Variants in WDR12 observed in about 807,000 individuals in gnomAD.
The protein encoded by WDR12 is ribosome biogenesis protein WDR12.
A neutral mutation model predicts 64.3 loss-of-function variants in WDR12; 42 were observed. That is an observed-to-expected ratio of 0.65 (90% CI 0.51 to 0.84). The LOEUF (loss-of-function observed/expected upper bound fraction) is 0.84, where lower values mean the gene tolerates loss of function less well. WDR12 is among the 40% of genes least tolerant of loss of function. The pLI, the probability that WDR12 is intolerant of heterozygous loss-of-function variation, is 0.00. For synonymous variants in WDR12, 158 were observed against 173.3 expected, an observed-to-expected ratio of 0.91 and a Z score of 0.70; for missense variants, 469 against 494.6, an observed-to-expected ratio of 0.95 and a Z score of 0.49.
chr2:202,904,138 C>CAAAAAAAAA (rs34378996), intron 2 of WDR12, among the ~76,000 whole-genome samples: 7 of 38,532 alleles, frequency 1.8e-4, no homozygotes, highest in African/African-American at 5.8e-4. Context: ...AACTCTGTCT[C>CAAAAAAAAA]AAAAAAAAAA....
intron 8 of WDR12, among the ~76,000 whole-genome samples, chr2:202,887,854 G>C (rs1574403658): frequency 2.1e-5 from 3 of 146,034 alleles, no homozygotes; most frequent in South Asian, 2.2e-4. Flanking sequence ...CGCCACTGCA[G>C]TCCGCAGTCC....
intron 6 of WDR12, 136 bp from the exon 7 acceptor site, chr2:202,894,762 A>G (rs1049153370): frequency 1.6e-5 from 10 of 619,402 alleles, no homozygotes; most frequent in Middle Eastern, 4.7e-4. Flanking sequence ...GCCTTTTTCC[A>G]GGGGCAGATA....
intron 2 of WDR12, among the ~76,000 whole-genome samples, chr2:202,906,641 A>G (rs1000190725): frequency 2.6e-5 from 4 of 152,162 alleles, no homozygotes; most frequent in African/African-American, 9.7e-5. Context: ...AGGAGGGTGG[A>G]TCACCTGAGG....
intron 8 of WDR12, among the ~76,000 whole-genome samples, chr2:202,888,950 TC>T (rs1490274175): frequency 1.5e-3 from 234 of 152,262 alleles, no homozygotes; most frequent in African/African-American, 5.5e-3. Flanking sequence ...GCTCAAGTGA[TC>T]CTCCAGTGTT....
chr2:202,892,597 C>A lies in WDR12; in HGVS notation c.741+20G>T. The A allele has an allele frequency of 6.3e-7, 1 of 1,585,326 alleles. No homozygotes were observed. Among genetic ancestry groups the A allele is most frequent in the South Asian group, 1.1e-5 (1 of 89,684 alleles). On this transcript the variant is annotated intron_variant, in intron 8 of 12. Transcript: ENST00000261015. ...AACACAGGCCTAAGGCAAGTACAGT[C>A]AGTTCTCACAAATACTGACCCTTGT... is the stretch of plus-strand genomic sequence containing the variant.
At chr2:202,887,908 A>C (rs184424441) in intron 8 of WDR12, among the ~76,000 whole-genome samples, 2,365 of 151,712 alleles carry the variant, frequency 0.016, 70 homozygotes, top group African/African-American at 0.055. Flanking sequence ...AAAAAAAAAA[A>C]AAAAAGAAAA....
At position 202,880,071 on chromosome 2, in the gene WDR12, C is replaced by CCT. The variant is rs1687923752; in HGVS notation, c.*788_*789insAG. The CCT allele has an allele frequency of 6.6e-6, 1 of 152,134 alleles. No individual in the cohort carries two copies. The highest frequency in any genetic ancestry group is 2.4e-5 in the African/African-American group (1 of 41,430). 9.4% of individuals were successfully genotyped at this position (152,134 alleles called of 1,614,324 possible). On this transcript the variant is annotated 3_prime_UTR_variant, in exon 13 of 13. Transcript: ENST00000261015. ...TTTTTTTTAATGTTCTGAGTACCCT[C>CCT]ACAGCCTAATTTTCTTGAACATTTA...
chr2:202,885,208 G>A (rs1181779974), intron 8 of WDR12, among the ~76,000 whole-genome samples: 2 of 152,176 alleles, frequency 1.3e-5, no homozygotes, highest in Non-Finnish European at 2.9e-5. Context: ...ATTTGCCCCT[G>A]GCAGCTTTCT....
Position 202,911,659 on chromosome 2 carries a change from A to T in WDR12, c.-183T>A. ...TCCGGTCTCCTCTGCAGAAAGCACGAGGTTGCCCTTCTACAGACGCCCAGA... is the reference window on the plus strand; with the variant it reads ...TCCGGTCTCCTCTGCAGAAAGCACGTGGTTGCCCTTCTACAGACGCCCAGA... On this transcript the variant is annotated 5_prime_UTR_variant, in exon 1 of 13. Coordinates refer to ENST00000261015, the MANE Select transcript of WDR12 (RefSeq NM_018256.4). 3.2e-6 allele frequency: 2 copies of T among 623,310 alleles called. No homozygotes were observed. Among genetic ancestry groups the T allele is most frequent in the South Asian group, 3.8e-5 (2 of 53,056 alleles). The allele number at this position is 623,310 out of a possible 1,614,324, so 38.6% of individuals were successfully genotyped here.
At chr2:202,896,275 A>G in intron 5 of WDR12, 56 bp from the exon 6 acceptor site, 1 of 1,520,846 alleles carries the variant, frequency 6.6e-7, no homozygotes. Flanking sequence ...TTTAGAATAC[A>G]TCATGTTCTG....
At chr2:202,887,894 CAAAAAA>C (rs778475206) in intron 8 of WDR12, among the ~76,000 whole-genome samples, 1 of 60,756 alleles carries the variant, frequency 1.6e-5, no homozygotes, top group African/African-American at 6.5e-5. Flanking sequence ...GACTCCGTCT[CAAAAAA>C]AAAAAAAAAA....
chr2:202,879,702 G>C lies in WDR12; in HGVS notation c.*1158C>G, dbSNP rs1199763379. 1.3e-5 allele frequency: 2 copies of C among 151,926 alleles called. No homozygotes were observed. The highest frequency in any genetic ancestry group is 2.4e-5 in the African/African-American group (1 of 41,332). 9.4% of individuals were successfully genotyped at this position (151,926 alleles called of 1,614,324 possible). On this transcript the variant is annotated 3_prime_UTR_variant, in exon 13 of 13. Coordinates refer to ENST00000261015, the MANE Select transcript of WDR12 (RefSeq NM_018256.4). ...CTGCCTTGGCCACCCAAAATGCTGG[G>C]ATTACAAGCATGAGCCACCGTGCCC... is the stretch of plus-strand genomic sequence containing the variant.
In WDR12 at chr2:202,884,521, G is replaced by A; in HGVS notation, c.756C>T (p.Thr252=). ...AAACTGCCTCCATGTGGCCAGAGAGGGTCACTATGGGAGTCTAGAAAGGAA... is the reference window on the plus strand; with the variant it reads ...AAACTGCCTCCATGTGGCCAGAGAGAGTCACTATGGGAGTCTAGAAAGGAA... ...QLGLTRTPIV[T]LSGHMEAVSS... Residue 252 remains threonine (T), a synonymous_variant, in exon 9 of 13, where the codon ACC becomes ACT. Transcript: ENST00000261015. 2.5e-6 allele frequency: 4 copies of A among 1,612,668 alleles called. No homozygotes were observed. The South Asian group carries it at 4.4e-5, about 18-fold the overall frequency.
chr2:202,897,153 C>T, intron 5 of WDR12, 147 bp downstream of exon 5: 1 of 511,868 alleles, frequency 2.0e-6, no homozygotes, highest in Non-Finnish European at 3.5e-6. Context: ...TCTTTTTCTT[C>T]TTGAACACTG....
chr2:202,910,066 G>A (rs575346504), intron 1 of WDR12, among the ~76,000 whole-genome samples: 18 of 152,168 alleles, frequency 1.2e-4, no homozygotes, highest in African/African-American at 3.9e-4. Context: ...AGACTGTTGG[G>A]ATTACAGACA....
intron 8 of WDR12, among the ~76,000 whole-genome samples, chr2:202,889,949 G>A (rs1381189883): frequency 6.6e-6 from 1 of 151,956 alleles, no homozygotes; most frequent in Non-Finnish European, 1.5e-5. Context: ...GAGCGTATTG[G>A]CTCAAGTCTG....
At chr2:202,907,355 A>T (rs1342644535) in intron 2 of WDR12, among the ~76,000 whole-genome samples, 1 of 152,188 alleles carries the variant, frequency 6.6e-6, no homozygotes, top group Non-Finnish European at 1.5e-5. Context: ...TATCTTTTAA[A>T]TGTTTTATAT....
At position 202,890,063 on chromosome 2, in the gene WDR12, C is replaced by CA. The variant is rs201105264; in HGVS notation, c.741+2553dup. 1.6e-4 allele frequency among the ~76,000 whole-genome samples: 23 copies of CA among 147,536 alleles called. No individual in the cohort carries two copies. The East Asian group carries it at 2.8e-3, about 18-fold the overall frequency. On this transcript the variant is annotated intron_variant, in intron 8 of 12. Coordinates refer to ENST00000261015, the MANE Select transcript of WDR12 (RefSeq NM_018256.4). ...GTGACATGACAAAACCCAATATCTA[C>CA]AAAAAAAAAGAAAAATTAGTTGGGT...
At chr2:202,910,942 A>C (rs760357975) in intron 1 of WDR12, among the ~76,000 whole-genome samples, 1 of 152,202 alleles carries the variant, frequency 6.6e-6, no homozygotes, top group Non-Finnish European at 1.5e-5. Flanking sequence ...CCCTGCCCTC[A>C]AGAGACTTCC....
Sources: allele counts gnomAD v4.1 joint callset (sites outside exome capture counted in the v4.1 genomes callset), GRCh38; gene constraint gnomAD v4.1.1; transcripts MANE v1.5; gene names NCBI Gene and HGNC (gene_info 2026-07-23, HGNC 2026-07-21).